DCLK2: variants seen among roughly 807,000 people sequenced by gnomAD.
DCLK2 encodes the protein doublecortin like kinase 2, also known as serine/threonine-protein kinase DCLK2.
A neutral mutation model predicts 78.4 loss-of-function variants in DCLK2; 31 were observed. That is an observed-to-expected ratio of 0.40 (90% CI 0.30 to 0.53). The LOEUF is 0.53. DCLK2 is among the 20% of genes least tolerant of loss of function. DCLK2 has a pLI of 0.61. For synonymous variants in DCLK2, 407 were observed against 374.9 expected (o/e 1.09, Z -0.99); for missense variants, 872 against 973.7 (o/e 0.90, Z 1.39).
intron 2 of DCLK2, among the ~76,000 whole-genome samples, chr4:150,159,784 G>T (rs542096503): frequency 6.6e-6 from 1 of 152,290 alleles, no homozygotes; most frequent in East Asian, 1.9e-4. Flanking sequence ...ATTTGGATTA[G>T]ATGGGAGTTG....
intron 2 of DCLK2, among the ~76,000 whole-genome samples, chr4:150,146,965 A>C (rs112479149): frequency 6.6e-6 from 1 of 151,794 alleles, no homozygotes; most frequent in Admixed American, 6.6e-5. Context: ...TGGCTACCTG[A>C]TAGAGTTTTC....
chr4:150,253,301 G>A (rs1744321004), intron 15 of DCLK2: 2 of 660,964 alleles, frequency 3.0e-6, no homozygotes, highest in African/African-American at 1.8e-5. Flanking sequence ...CCGTCTGGAG[G>A]TTGAATCATC....
At chr4:150,163,923 C>T (rs1735883870) in intron 2 of DCLK2, among the ~76,000 whole-genome samples, 1 of 152,046 alleles carries the variant, frequency 6.6e-6, no homozygotes, top group African/African-American at 2.4e-5. Context: ...AGGACAGTAC[C>T]AACCCTTTGC....
At position 150,200,812 on chromosome 4, in the gene DCLK2, C is replaced by G. The variant is rs541870130; in HGVS notation, c.961+2709C>G. On this transcript the variant is annotated intron_variant, in intron 4 of 15. Transcript: ENST00000296550. ...ATAGCTAAATAGTATGTAAAAAGCA[C>G]ATAGATATTAAGCTAGGTAACATAA... 7.9e-5 allele frequency among the ~76,000 whole-genome samples: 12 copies of G among 152,296 alleles called. No individual in the cohort carries two copies. In the East Asian group the frequency reaches 2.3e-3, roughly 29 times the overall value.
At chr4:150,158,720 T>C (rs1160736156) in intron 2 of DCLK2, among the ~76,000 whole-genome samples, 1 of 152,156 alleles carries the variant, frequency 6.6e-6, no homozygotes, top group African/African-American at 2.4e-5. Context: ...ATAGTAGTGA[T>C]TAATTCTGCT....
At chr4:150,188,256 C>T (rs570999591) in intron 2 of DCLK2, among the ~76,000 whole-genome samples, 77 of 151,918 alleles carry the variant, frequency 5.1e-4, no homozygotes, top group African/African-American at 1.8e-3. Flanking sequence ...GGTAGATTGC[C>T]TGAGCCCAGG....
At chr4:150,234,434 C>G (rs989430722) in intron 10 of DCLK2, among the ~76,000 whole-genome samples, 1 of 152,148 alleles carries the variant, frequency 6.6e-6, no homozygotes, top group Non-Finnish European at 1.5e-5. Flanking sequence ...GAGTATTGCT[C>G]ACTGACCACT....
chr4:150,123,740 A>G (rs1028368482), intron 2 of DCLK2, among the ~76,000 whole-genome samples: 1 of 152,130 alleles, frequency 6.6e-6, no homozygotes, highest in East Asian at 1.9e-4. Flanking sequence ...GCAGTTTTTC[A>G]GATTTAAAAA....
intron 2 of DCLK2, among the ~76,000 whole-genome samples, chr4:150,174,821 A>G (rs1580649236): frequency 1.3e-5 from 2 of 149,784 alleles, no homozygotes; most frequent in African/African-American, 2.5e-5. Context: ...ACATGGTGAA[A>G]CCCTGTATCC....
At chr4:150,255,937 G>A (rs1190597223) in intron 15 of DCLK2, 83 bp from the exon 16 acceptor site, 21 of 1,534,652 alleles carry the variant, frequency 1.4e-5, no homozygotes, top group Non-Finnish European at 1.8e-5. Context: ...GCCCGTGCAT[G>A]CTCTGTTGTG....
intron 2 of DCLK2, among the ~76,000 whole-genome samples, chr4:150,108,766 T>C (rs925690936): frequency 5.9e-5 from 9 of 152,172 alleles, no homozygotes; most frequent in African/African-American, 1.9e-4. Flanking sequence ...AAAAAAATTC[T>C]AGCTTTTAGC....
At chr4:150,119,615 T>TA (rs1732369990) in intron 2 of DCLK2, among the ~76,000 whole-genome samples, 1 of 152,210 alleles carries the variant, frequency 6.6e-6, no homozygotes. Context: ...GCATTCCTCT[T>TA]ACCACCTCCA....
intron 2 of DCLK2, among the ~76,000 whole-genome samples, chr4:150,116,736 T>C (rs1732121284): frequency 6.6e-6 from 1 of 152,204 alleles, no homozygotes; most frequent in African/African-American, 2.4e-5. Flanking sequence ...CAGATTGTAG[T>C]AGTAATGAAC....
Position 150,212,023 on chromosome 4 carries a change from A to G in DCLK2, c.1056+8134A>G, listed in dbSNP as rs183760476. ...AATTCATCATTCATGTTCCAGTTTA[A>G]GACTTTTAAGGCAATAGTAACTTCA... On this transcript the variant is annotated intron_variant, in intron 5 of 15. Coordinates refer to ENST00000296550, the MANE Select transcript of DCLK2 (RefSeq NM_001040260.4). Among the ~76,000 whole-genome samples, 342 of 152,304 alleles carry G rather than the reference A, an allele frequency of 2.2e-3. 6 individuals are homozygous for G. The highest frequency in any genetic ancestry group is 6.0e-4 in the Non-Finnish European group (41 of 68,022).
rs182881609 is a variant in DCLK2 at position 150,216,180 on chromosome 4, G to T, written c.1057-4523G>T. 5.9e-5 allele frequency among the ~76,000 whole-genome samples: 9 copies of T among 152,286 alleles called. No individual in the cohort carries two copies. The East Asian group carries it at 1.7e-3, about 29-fold the overall frequency. The stretch of plus-strand genomic sequence containing the variant: ...AAATTTTGGTAATCTGCTTATCAAA[G>T]AAGTTTACCATAGGACCCTCTGACA... On this transcript the variant is annotated intron_variant, in intron 5 of 15. Transcript: ENST00000296550.
chr4:150,218,432 A>C (rs1740912552), intron 5 of DCLK2, among the ~76,000 whole-genome samples: 1 of 152,190 alleles, frequency 6.6e-6, no homozygotes, highest in Non-Finnish European at 1.5e-5. Flanking sequence ...GCCCCTCCTG[A>C]TGTGATGAGT....
At position 150,078,950 on chromosome 4, in the gene DCLK2, T is replaced by G. The variant is rs1729018688; in HGVS notation, c.-78T>G. 1 of 1,425,904 alleles carries G rather than the reference T, an allele frequency of 7.0e-7. No homozygotes were observed. Among genetic ancestry groups the G allele is most frequent in the Non-Finnish European group, 9.2e-7 (1 of 1,086,818 alleles). The allele number at this position is 1,425,904 out of a possible 1,614,324, so 88.3% of individuals were successfully genotyped here. A position where few individuals can be genotyped will look rare whatever the true frequency, so the allele number is the denominator to read the frequency against. ...CCCGGCGCGTTAAGGGCCCTCGCAG[T>G]CAGACGTCCCTGCACCGGCGCTCGC... On this transcript the variant is annotated 5_prime_UTR_variant, in exon 1 of 16. Coordinates refer to ENST00000296550, the MANE Select transcript of DCLK2 (RefSeq NM_001040260.4).
intron 2 of DCLK2, among the ~76,000 whole-genome samples, chr4:150,122,136 A>T (rs1732594704): frequency 6.6e-6 from 1 of 152,182 alleles, no homozygotes; most frequent in African/African-American, 2.4e-5. Flanking sequence ...GCCACAGTAG[A>T]ACTTCTTTCA....
intron 4 of DCLK2, 89 bp downstream of exon 4, chr4:150,198,192 G>C: frequency 8.2e-7 from 1 of 1,217,182 alleles, no homozygotes; most frequent in South Asian, 1.6e-5. Context: ...AGTAGTCTTT[G>C]CCAGGGTCGT....
Sources: allele counts gnomAD v4.1 joint callset (sites outside exome capture counted in the v4.1 genomes callset), GRCh38; gene constraint gnomAD v4.1.1; transcripts MANE v1.5; gene names NCBI Gene and HGNC (gene_info 2026-07-23, HGNC 2026-07-21).